Variants in KANSL1 observed in about 807,000 individuals in gnomAD.
KANSL1 encodes KAT8 regulatory NSL complex subunit 1, also known as MLL1/MLL complex subunit KANSL1.
Under a neutral mutation model 103.6 loss-of-function variants are expected in KANSL1, and 22 were observed. The observed-to-expected ratio is 0.21, with a 90% CI of 0.15 to 0.30. KANSL1 has a LOEUF of 0.30. KANSL1 is among the 10% of genes least tolerant of loss of function. The pLI is 1.00. For synonymous variants in KANSL1, 600 were observed against 527.6 expected (o/e 1.14, Z -1.88); for missense variants, 1,337 against 1,399.8 (o/e 0.96, Z 0.72).
chr17:46,077,570 A>G (rs1050630983), intron 4 of KANSL1, among the ~76,000 whole-genome samples: 7 of 151,592 alleles, frequency 4.6e-5, no homozygotes, highest in Non-Finnish European at 1.0e-4. Context: ...TTTTTATTTT[A>G]TTTTTGAGAC....
At chr17:46,085,545 A>G (rs1038643071) in intron 3 of KANSL1, among the ~76,000 whole-genome samples, 1 of 152,176 alleles carries the variant, frequency 6.6e-6, no homozygotes, top group African/African-American at 2.4e-5. Context: ...GCTGGAGTGC[A>G]GTGGTGTGGT....
intron 2 of KANSL1, among the ~76,000 whole-genome samples, chr17:46,103,754 G>A (rs1056393269): frequency 2.0e-5 from 3 of 152,328 alleles, no homozygotes; most frequent in African/African-American, 4.8e-5. Context: ...GGCTGGCCGT[G>A]CTGGCTCATG....
intron 2 of KANSL1, among the ~76,000 whole-genome samples, chr17:46,151,302 G>A (rs144309101): frequency 5.3e-5 from 8 of 152,216 alleles, no homozygotes; most frequent in Non-Finnish European, 7.4e-5. Context: ...CCAACAAACC[G>A]GGCTCAGTCC....
At chr17:46,117,280 G>A (rs148507030) in intron 2 of KANSL1, among the ~76,000 whole-genome samples, 12 of 152,330 alleles carry the variant, frequency 7.9e-5, no homozygotes, top group East Asian at 1.9e-4. Flanking sequence ...AGTACTTGAC[G>A]AAGCAACCCA....
intron 4 of KANSL1, among the ~76,000 whole-genome samples, chr17:46,071,132 T>C (rs1319303370): frequency 6.6e-6 from 1 of 152,218 alleles, no homozygotes; most frequent in Non-Finnish European, 1.5e-5. Context: ...TTATTGATTT[T>C]CTTATAGAAA....
chr17:46,196,572 A>T (rs1411069241), upstream of KANSL1: 1 of 386,258 alleles, frequency 2.6e-6, no homozygotes, highest in African/African-American at 2.1e-5. Flanking sequence ...GTCCTTGGTG[A>T]TAGCATTAAG....
chr17:46,064,966 T>C (rs77184207), intron 6 of KANSL1, among the ~76,000 whole-genome samples: 1 of 151,370 alleles, frequency 6.6e-6, no homozygotes, highest in African/African-American at 2.4e-5. Context: ...TGTGTTTTTT[T>C]TGTTTGTTTT....
chr17:46,140,901 G>A (rs962499096), intron 2 of KANSL1, among the ~76,000 whole-genome samples: 5 of 152,156 alleles, frequency 3.3e-5, no homozygotes, highest in African/African-American at 1.2e-4. Context: ...GGAGAGAATG[G>A]AACCCACAAA....
chr17:46,103,921 G>A (rs1455959288), intron 2 of KANSL1, among the ~76,000 whole-genome samples: 5 of 152,146 alleles, frequency 3.3e-5, no homozygotes, highest in African/African-American at 7.2e-5. Context: ...CCAGCTGCAC[G>A]GGAGGCTGAG....
chr17:46,082,578 G>A (rs772923943), intron 3 of KANSL1, 36 bp from the exon 4 acceptor site: 1 of 1,262,866 alleles, frequency 7.9e-7, no homozygotes, highest in African/African-American at 1.5e-5. Context: ...GCATAAGTGA[G>A]CAGTATAAAC....
intron 6 of KANSL1, among the ~76,000 whole-genome samples, chr17:46,053,510 G>A (rs765404033): frequency 6.6e-6 from 1 of 151,240 alleles, no homozygotes; most frequent in African/African-American, 2.4e-5. Context: ...GTGCAGTGGC[G>A]CAAGTCTGCC....
At chr17:46,213,288 T>G (rs111786564) in intron 1 of KANSL1, among the ~76,000 whole-genome samples, 33 of 151,202 alleles carry the variant, frequency 2.2e-4, no homozygotes, top group East Asian at 1.9e-3. Context: ...TTATTTGTTT[T>G]TTGTTGTTGT....
At chr17:46,220,132 A>C (rs1466937730) in intron 1 of KANSL1, among the ~76,000 whole-genome samples, 2 of 152,296 alleles carry the variant, frequency 1.3e-5, no homozygotes, top group East Asian at 1.9e-4. Context: ...CAAAAAAACT[A>C]TTCTCTCAGT....
intron 1 of KANSL1, among the ~76,000 whole-genome samples, chr17:46,189,261 C>T: frequency 6.6e-6 from 1 of 152,002 alleles, no homozygotes; most frequent in East Asian, 1.9e-4. Flanking sequence ...CTCTAAACCA[C>T]TCAATAAGAT....
At chr17:46,079,568 T>C (rs559556421) in intron 4 of KANSL1, among the ~76,000 whole-genome samples, 3 of 152,382 alleles carry the variant, frequency 2.0e-5, no homozygotes, top group East Asian at 1.9e-4. Context: ...AACTTTTGTA[T>C]GCTACTGAGT....
chr17:46,167,505 T>C (rs1028038332), intron 2 of KANSL1, among the ~76,000 whole-genome samples: 3 of 152,246 alleles, frequency 2.0e-5, no homozygotes, highest in Non-Finnish European at 4.4e-5. Context: ...AATATCATTG[T>C]TTAGTGACAT....
rs541946204 is a variant in KANSL1, at chr17:46,059,647, A to AAAAAGAGAGAGAGAG, written c.1848+6889_1848+6890insCTCTCTCTCTCTTTT. ...TGACTCCAAAAAAAAAAAAAAAAAAAAGAGAGAGAGAGAGAGAGAAAAGGA... is the reference window on the plus strand; with the variant it reads ...TGACTCCAAAAAAAAAAAAAAAAAAAAAAAGAGAGAGAGAGAGAGAGAGAGAGAGAGAGAAAAGGA... On this transcript the variant is annotated intron_variant, in intron 6 of 14. Coordinates refer to ENST00000432791, the MANE Select transcript of KANSL1 (RefSeq NM_015443.4). 7.3e-5 allele frequency among the ~76,000 whole-genome samples: 4 copies of AAAAAGAGAGAGAGAG among 54,874 alleles called. 1 individual carries two copies. The highest frequency in any genetic ancestry group is 1.4e-3 in the East Asian group (2 of 1,438). 36.0% of individuals were successfully genotyped at this position (54,874 alleles called of 152,430 possible). A position where few individuals can be genotyped will look rare whatever the true frequency, so the allele number is the denominator to read the frequency against.
chr17:46,207,727 C>T (rs538887360), intron 1 of KANSL1, among the ~76,000 whole-genome samples: 1 of 152,302 alleles, frequency 6.6e-6, no homozygotes, highest in African/African-American at 2.4e-5. Flanking sequence ...CCTGTAATCC[C>T]AACACTTTGG....
At chr17:46,053,664 T>C (rs1366902716) in intron 6 of KANSL1, among the ~76,000 whole-genome samples, 1 of 152,178 alleles carries the variant, frequency 6.6e-6, no homozygotes, top group Admixed American at 6.5e-5. Context: ...CTTGATCTCC[T>C]GACCTCGTGA....
Sources: gnomAD v4.1 joint callset for allele counts (sites outside exome capture counted in the v4.1 genomes callset) on GRCh38, gnomAD v4.1.1 for gene constraint, MANE v1.5 for transcripts, NCBI Gene and HGNC (gene_info 2026-07-23, HGNC 2026-07-21) for gene names.